The following TYRP1 variants were observed in gnomAD, a reference collection of about 807,000 sequenced individuals.
TYRP1 encodes 5,6-dihydroxyindole-2-carboxylic acid oxidase.
In TYRP1, 49 loss-of-function variants were observed where a neutral mutation model predicts 42.8. The ratio of observed to expected loss-of-function variants is 1.14; its 90% CI spans 0.91 to 1.45. The LOEUF (loss-of-function observed/expected upper bound fraction) is 1.45, where lower values mean the gene tolerates loss of function less well. TYRP1 is among the 40% of genes most tolerant of loss of function. The pLI, the probability that TYRP1 is intolerant of heterozygous loss-of-function variation, is 0.00. For missense variants in TYRP1, 848 were observed against 662.0 expected, an observed-to-expected ratio of 1.28 and a Z score of -3.08; for synonymous variants, 279 against 235.4, an observed-to-expected ratio of 1.19 and a Z score of -1.69.
rs193035382 is a variant in TYRP1 at position 12,698,649 on chromosome 9, T to C, written c.907T>C (p.Cys303Arg). 3 of 1,613,332 alleles carry C rather than the reference T, an allele frequency of 1.9e-6. No individual in the cohort carries two copies. The highest frequency in any genetic ancestry group is 2.7e-5 in the African/African-American group (2 of 74,934). The change falls in exon 4 of 8, where the codon TGT becomes CGT. Residue 303 changes from cysteine to arginine, a missense_variant. Transcript: ENST00000388918. ...LEDYDTLGTL[C>R]NSTEDGPIRR... ...AGATTATGATACCCTGGGAACACTT[T>C]GTAACAGTAAGTTCCAAATGATAGC...
At chr9:12,702,469 A>G in intron 5 of TYRP1, 31 bp downstream of exon 5, 1 of 1,604,954 alleles carries the variant, frequency 6.2e-7, no homozygotes, top group Non-Finnish European at 8.5e-7. Flanking sequence ...TTTTTAAAAG[A>G]TCTAGTTATC....
chr9:12,707,783 T>G (rs1818282262), intron 6 of TYRP1: 2 of 441,080 alleles, frequency 4.5e-6, no homozygotes, highest in South Asian at 1.2e-4. Context: ...CTCTCTTTTT[T>G]ATTAAGTGGT....
Position 12,704,564 on chromosome 9 carries a change from C to T in TYRP1, c.1120C>T (p.Arg374Ter), listed in dbSNP as rs121912778. ...CACGGGAAAGTATGACCCTGCTGTTCGAAGTCTTCACAATTTGGCTCATCT... is the reference window on the plus strand; with the variant it reads ...CACGGGAAAGTATGACCCTGCTGTTTGAAGTCTTCACAATTTGGCTCATCT... ...DPTGKYDPAV[R>*]SLHNLAHLFL... Residue 374 changes from arginine (R) to a stop codon, truncating the protein, a stop_gained, in exon 6 of 8, where the codon CGA becomes TGA. Transcript: ENST00000388918. LOFTEE classifies it high-confidence loss of function. The T allele has an allele frequency of 4.8e-5, 78 of 1,612,786 alleles. No homozygotes were observed. Among genetic ancestry groups the T allele is most frequent in the African/African-American group, 1.7e-4 (13 of 74,806 alleles).
intron 5 of TYRP1, among the ~76,000 whole-genome samples, 196 bp from the exon 6 acceptor site, chr9:12,704,330 T>C (rs1462811432): frequency 6.6e-6 from 1 of 151,956 alleles, no homozygotes; most frequent in African/African-American, 2.4e-5. Flanking sequence ...GCCACTAGCA[T>C]AAAACCAGCC....
At chr9:12,700,959 A>G (rs1172629004) in intron 4 of TYRP1, among the ~76,000 whole-genome samples, 4 of 152,064 alleles carry the variant, frequency 2.6e-5, no homozygotes, top group Non-Finnish European at 5.9e-5. Flanking sequence ...TATTACGTTA[A>G]TTATAAAGCA....
At position 12,709,064 on chromosome 9, in the gene TYRP1, A is replaced by T; in HGVS notation, c.1496A>T (p.Tyr499Phe). 6.2e-7 allele frequency: 1 copy of T among 1,612,824 alleles called. No individual in the cohort carries two copies. Among genetic ancestry groups the T allele is most frequent in the South Asian group, 1.1e-5 (1 of 91,056 alleles). Residue 499 changes from tyrosine to phenylalanine, a missense_variant, in exon 8 of 8, where the codon TAT becomes TTT. Transcript: ENST00000388918. The stretch of plus-strand genomic sequence containing the variant: ...GCACTCATTTTTGGGACTGCTTCTT[A>T]TCTGATTCGTGCCAGACGCAGTATG... ...LVALIFGTAS[Y>F]LIRARRSMDE...
Position 12,694,209 on chromosome 9 carries a change from C to T in TYRP1, c.213C>T (p.Asp71=), listed in dbSNP as rs761849891. The T allele has an allele frequency of 4.3e-6, 7 of 1,613,738 alleles. No individual in the cohort carries two copies. The Admixed American group carries it at 6.7e-5, about 15-fold the overall frequency. The change falls in exon 2 of 8, where the codon GAC becomes GAT. Residue 71 remains aspartate (D), a synonymous_variant. Transcript: ENST00000388918. ...GRGRCEAVTA[D]SRPHSPQYPH... ...GCAGATGTGAGGCAGTGACTGCAGA[C>T]TCCCGGCCCCACAGCCCTCAGTATC...
chr9:12,703,635 T>C (rs1294323939), intron 5 of TYRP1, among the ~76,000 whole-genome samples: 1 of 151,978 alleles, frequency 6.6e-6, no homozygotes, highest in East Asian at 1.9e-4. Flanking sequence ...ATGGAATAGA[T>C]GCTTGAAAAA....
rs184034021 is a variant in TYRP1 at position 12,695,275 on chromosome 9, A to G, written c.386-240A>G. Among the ~76,000 whole-genome samples, 6 of 152,314 alleles carry G rather than the reference A, an allele frequency of 3.9e-5. No individual in the cohort carries two copies. In the East Asian group the frequency reaches 1.2e-3, roughly 29 times the overall value. ...CAGAAACATAAAATCCATAGGTAAG[A>G]TTAAAGAAAGGTAATATAAATCATG... On this transcript the variant is annotated intron_variant, in intron 2 of 7. Coordinates refer to ENST00000388918, the MANE Select transcript of TYRP1 (RefSeq NM_000550.3).
chr9:12,707,932 C>G, intron 6 of TYRP1, 65 bp from the exon 7 acceptor site: 3 of 1,490,836 alleles, frequency 2.0e-6, no homozygotes, highest in Non-Finnish European at 2.7e-6. Context: ...GCCTTTAGAA[C>G]TCAATAATGA....
intron 2 of TYRP1, 101 bp downstream of exon 2, chr9:12,694,482 T>C: frequency 1.4e-6 from 2 of 1,404,284 alleles, no homozygotes; most frequent in East Asian, 2.4e-5. Flanking sequence ...GGAAATCATA[T>C]AGCTCAACCC....
At chr9:12,708,512 T>G (rs963208097) in intron 7 of TYRP1, among the ~76,000 whole-genome samples, 10 of 151,964 alleles carry the variant, frequency 6.6e-5, no homozygotes, top group African/African-American at 2.4e-4. Flanking sequence ...GCCCCAATTT[T>G]TCTACTATAC....
At chr9:12,708,235 G>A (rs1818293163) in intron 7 of TYRP1, 92 bp downstream of exon 7, 2 of 1,489,436 alleles carry the variant, frequency 1.3e-6, no homozygotes, top group Non-Finnish European at 1.9e-6. Context: ...CTGAAGCTAT[G>A]TTTTCCATTT....
chr9:12,707,981 C>G lies in TYRP1; in HGVS notation c.1262-16C>G. 1 of 1,604,202 alleles carries G rather than the reference C, an allele frequency of 6.2e-7. No individual in the cohort carries two copies. The highest frequency in any genetic ancestry group is 2.3e-5 in the East Asian group (1 of 44,440). ...TTTATTATGTTTATTAATACGTTGTCTTTGGAATAATTTAGATATATCCAC... is the reference window on the plus strand; with the variant it reads ...TTTATTATGTTTATTAATACGTTGTGTTTGGAATAATTTAGATATATCCAC... On this transcript the variant is annotated splice_polypyrimidine_tract_variant and intron_variant, in intron 6 of 7. Transcript: ENST00000388918.
intron 3 of TYRP1, among the ~76,000 whole-genome samples, chr9:12,696,640 T>G (rs1055180109): frequency 5.9e-5 from 9 of 152,188 alleles, no homozygotes; most frequent in African/African-American, 2.2e-4. Context: ...TATTTCATGC[T>G]TATTTTCTAA....
In TYRP1 at chr9:12,702,348, C is replaced by T. The variant is rs1313073993; in HGVS notation, c.991C>T (p.Gln331Ter). 3.1e-6 allele frequency: 5 copies of T among 1,613,040 alleles called. No homozygotes were observed. Among genetic ancestry groups the T allele is most frequent in the Non-Finnish European group, 4.2e-6 (5 of 1,179,512 alleles). Residue 331 changes from glutamine (Q) to a stop codon, truncating the protein, a stop_gained, in exon 5 of 8, where the codon CAG becomes TAG. Coordinates refer to ENST00000388918, the MANE Select transcript of TYRP1 (RefSeq NM_000550.3). LOFTEE classifies it high-confidence loss of function. ...RPMVQRLPEP[Q>*]DVAQCLEVGL... ...AATGGTGCAACGTCTTCCTGAACCA[C>T]AGGATGTCGCTCAGTGCTTGGAAGT... is the stretch of plus-strand genomic sequence containing the variant.
At chr9:12,704,056 T>C (rs1259778924) in intron 5 of TYRP1, among the ~76,000 whole-genome samples, 1 of 151,838 alleles carries the variant, frequency 6.6e-6, no homozygotes, top group Non-Finnish European at 1.5e-5. Flanking sequence ...CCACAAAAAA[T>C]AGTTTTCCAA....
intron 5 of TYRP1, among the ~76,000 whole-genome samples, chr9:12,704,205 T>C (rs528868640): frequency 3.7e-4 from 56 of 152,012 alleles, no homozygotes; most frequent in Non-Finnish European, 5.7e-4. Flanking sequence ...ATTTTCACTA[T>C]CTTTATTCCC....
chr9:12,709,509 A>G lies in TYRP1; in HGVS notation c.*327A>G. On this transcript the variant is annotated 3_prime_UTR_variant, in exon 8 of 8. Coordinates refer to ENST00000388918, the MANE Select transcript of TYRP1 (RefSeq NM_000550.3). ...GAACTACCATGCTTTGTTTACGTGT[A>G]AAGGAAAATAATGTTTGATAGTAAA... 1 of 281,810 alleles carries G rather than the reference A, an allele frequency of 3.5e-6. No individual in the cohort carries two copies. The highest frequency in any genetic ancestry group is 5.2e-5 in the South Asian group (1 of 19,352). The allele number at this position is 281,810 out of a possible 1,614,324, so 17.5% of individuals were successfully genotyped here. A position where few individuals can be genotyped will look rare whatever the true frequency, so the allele number is the denominator to read the frequency against.
Sources: allele counts gnomAD v4.1 joint callset (sites outside exome capture counted in the v4.1 genomes callset), GRCh38; gene constraint gnomAD v4.1.1; transcripts MANE v1.5; gene names NCBI Gene and HGNC (gene_info 2026-07-23, HGNC 2026-07-21).